The following BNIP3L variants were observed in gnomAD, a reference collection of about 807,000 sequenced individuals.
The protein encoded by BNIP3L is BCL2 interacting protein 3 like, also known as BCL2/adenovirus E1B 19 kDa protein-interacting protein 3-like.
Under a neutral mutation model 25.5 loss-of-function variants are expected in BNIP3L, and 10 were observed. The ratio of observed to expected loss-of-function variants is 0.39; its 90% CI spans 0.24 to 0.67. BNIP3L has a LOEUF of 0.67. Ranked by LOEUF, BNIP3L falls within the 30% of genes least tolerant of loss-of-function variation. BNIP3L has a pLI of 0.45. For missense variants in BNIP3L, 215 were observed against 270.9 expected, an observed-to-expected ratio of 0.79 and a Z score of 1.45; for synonymous variants, 113 against 101.2, an observed-to-expected ratio of 1.12 and a Z score of -0.70.
chr8:26,385,215 G>T (rs530067021), intron 1 of BNIP3L, among the ~76,000 whole-genome samples: 1 of 152,274 alleles, frequency 6.6e-6, no homozygotes, highest in East Asian at 1.9e-4. Flanking sequence ...GTTTTCTTAT[G>T]AGTGAAGATA....
intron 1 of BNIP3L, chr8:26,390,375 T>G: frequency 1.0e-6 from 1 of 985,438 alleles, no homozygotes; most frequent in Non-Finnish European, 1.2e-6. Context: ...GCTCCACCCC[T>G]TCAACTTTTT....
rs1410292408 is a variant in BNIP3L at position 26,391,292 on chromosome 8, C to A, written c.150C>A (p.Gly50=). ...ACAGCAGCAATGGCAATGATAATGG[C>A]AATGGGAAAAATGGGGGGCTGGAAC... is the stretch of plus-strand genomic sequence containing the variant. ...PMNSSNGNDN[G]NGKNGGLEHV... The change falls in exon 2 of 6, where the codon GGC becomes GGA. Residue 50 remains glycine (G), a synonymous_variant. Transcript: ENST00000380629. The A allele has an allele frequency of 1.2e-6, 2 of 1,612,008 alleles. No individual in the cohort carries two copies. The highest frequency in any genetic ancestry group is 1.7e-6 in the Non-Finnish European group (2 of 1,179,216).
chr8:26,402,415 G>A (rs750504162), intron 3 of BNIP3L, among the ~76,000 whole-genome samples: 4 of 152,190 alleles, frequency 2.6e-5, no homozygotes, highest in African/African-American at 4.8e-5. Flanking sequence ...GAGAGAAATC[G>A]AATTCTTTGC....
rs1332565625 is a variant in BNIP3L, at chr8:26,407,994, T to C, written c.358-6T>C. On this transcript the variant is annotated splice_polypyrimidine_tract_variant and splice_region_variant and intron_variant, in intron 3 of 5. Transcript: ENST00000380629. ...TTTTTCTTAAAGTTTGAATTCTTCT[T>C]TACAGTCAGAAGAAGAAGTTGTAGA... 1 of 1,613,198 alleles carries C rather than the reference T, an allele frequency of 6.2e-7. No homozygotes were observed. Among genetic ancestry groups the C allele is most frequent in the South Asian group, 1.1e-5 (1 of 91,046 alleles).
chr8:26,394,290 G>C (rs576419477), intron 2 of BNIP3L, among the ~76,000 whole-genome samples: 2 of 151,846 alleles, frequency 1.3e-5, no homozygotes, highest in African/African-American at 4.8e-5. Context: ...CAATCATAAA[G>C]GTTTTATATT....
At position 26,411,033 on chromosome 8, in the gene BNIP3L, C is replaced by A. The variant is rs941920286; in HGVS notation, c.*621C>A. 1 of 152,330 alleles carries A rather than the reference C, an allele frequency of 6.6e-6. No homozygotes were observed. The highest frequency in any genetic ancestry group is 1.5e-5 in the Non-Finnish European group (1 of 68,206). 9.4% of individuals were successfully genotyped at this position (152,330 alleles called of 1,614,324 possible). A position where few individuals can be genotyped will look rare whatever the true frequency, so the allele number is the denominator to read the frequency against. On this transcript the variant is annotated 3_prime_UTR_variant, in exon 6 of 6. Transcript: ENST00000380629. Reference sequence around the variant, plus strand: ...TTTTGTCTAAGCCTCCTAATAGCGTCTTTTAATTTATAGGAGGCAAACTGT... The same window carrying A: ...TTTTGTCTAAGCCTCCTAATAGCGTATTTTAATTTATAGGAGGCAAACTGT...
At chr8:26,405,578 C>A (rs908990448) in intron 3 of BNIP3L, among the ~76,000 whole-genome samples, 4 of 152,154 alleles carry the variant, frequency 2.6e-5, no homozygotes, top group Admixed American at 2.0e-4. Flanking sequence ...GAGAACTAGA[C>A]CTGTCAAGAG....
At chr8:26,395,190 G>A in intron 2 of BNIP3L, 40 bp from the exon 3 acceptor site, 2 of 1,597,982 alleles carry the variant, frequency 1.3e-6, no homozygotes, top group Non-Finnish European at 1.7e-6. Flanking sequence ...ATTTGACAAA[G>A]TGAGAATTAA....
rs773940856 is a variant in BNIP3L at position 26,383,188 on chromosome 8, G to A, written c.58G>A (p.Glu20Lys). ...CCTGCACAACAACAACAACAACTGC[G>A]AGGAAAATGAGCAGTCTCTGCCCCC... ...PPLHNNNNNC[E>K]ENEQSLPPPA... is the part of the protein sequence containing the mutation. Residue 20 changes from glutamate (E) to lysine (K), a missense_variant, in exon 1 of 6, where the codon GAG (glutamate) becomes AAG (lysine). Physicochemically the swap from Glu to Lys is moderately conservative, Grantham distance 56 (BLOSUM62 1). Transcript: ENST00000380629. 3 of 1,612,428 alleles carry A rather than the reference G, an allele frequency of 1.9e-6. No homozygotes were observed. Among genetic ancestry groups the A allele is most frequent in the South Asian group, 2.2e-5 (2 of 91,034 alleles).
intron 3 of BNIP3L, among the ~76,000 whole-genome samples, chr8:26,406,388 C>G (rs905157943): frequency 5.3e-5 from 8 of 152,172 alleles, no homozygotes; most frequent in Non-Finnish European, 1.2e-4. Flanking sequence ...ATACAGTATT[C>G]CTGGGTTTGA....
chr8:26,408,303 A>G lies in BNIP3L; in HGVS notation c.538A>G (p.Ile180Val), dbSNP rs759141869. Residue 180 changes from isoleucine (I) to valine (V), a missense_variant, in exon 5 of 6, where the codon ATT (isoleucine) becomes GTT (valine). Around this residue, in one of 4 missense-constraint regions of BNIP3L, gnomAD observed 63 missense variants for 98.8 expected, o/e 0.64. Coordinates refer to ENST00000380629, the MANE Select transcript of BNIP3L (RefSeq NM_004331.3). ...AAGTGGAGCCATGAAGAAAGGGGGT[A>G]TTTTCTCCGCAGAATTTCTGAAGGT... is the stretch of plus-strand genomic sequence containing the variant. ...RKSGAMKKGG[I>V]FSAEFLKVFI... 2.4e-5 allele frequency: 38 copies of G among 1,613,814 alleles called. No individual in the cohort carries two copies. The highest frequency in any genetic ancestry group is 1.6e-4 in the Middle Eastern group (1 of 6,082).
chr8:26,389,911 A>G (rs1806066894), intron 1 of BNIP3L, among the ~76,000 whole-genome samples: 2 of 152,110 alleles, frequency 1.3e-5, no homozygotes, highest in African/African-American at 4.8e-5. Context: ...TTTTACTTCA[A>G]CTTACTGATG....
At chr8:26,388,018 T>C (rs1340637819) in intron 1 of BNIP3L, among the ~76,000 whole-genome samples, 1 of 152,216 alleles carries the variant, frequency 6.6e-6, no homozygotes, top group East Asian at 1.9e-4. Flanking sequence ...TGTCAGTATG[T>C]GTGTATGGTA....
chr8:26,403,069 T>C (rs1257993299), intron 3 of BNIP3L, among the ~76,000 whole-genome samples: 1 of 152,174 alleles, frequency 6.6e-6, no homozygotes, highest in Non-Finnish European at 1.5e-5. Flanking sequence ...CCAGTGTTGA[T>C]CCCTTCTCAG....
At chr8:26,403,272 C>T (rs1024991503) in intron 3 of BNIP3L, among the ~76,000 whole-genome samples, 5 of 151,966 alleles carry the variant, frequency 3.3e-5, no homozygotes, top group African/African-American at 1.2e-4. Flanking sequence ...AAACCTTTGA[C>T]ATTGCCTTTT....
chr8:26,388,149 T>G (rs1806029236), intron 1 of BNIP3L, among the ~76,000 whole-genome samples: 1 of 152,146 alleles, frequency 6.6e-6, no homozygotes, highest in African/African-American at 2.4e-5. Flanking sequence ...AACGGGAGGT[T>G]GGGAGAGATG....
chr8:26,407,943 TG>T (rs1477228865), intron 3 of BNIP3L, 56 bp from the exon 4 acceptor site: 10 of 1,474,112 alleles, frequency 6.8e-6, no homozygotes, highest in Non-Finnish European at 9.4e-6. Context: ...GATTTTTCTT[TG>T]TATTAGGAGG....
intron 3 of BNIP3L, among the ~76,000 whole-genome samples, chr8:26,403,929 A>G (rs1466305458): frequency 1.3e-5 from 2 of 152,184 alleles, no homozygotes; most frequent in Non-Finnish European, 2.9e-5. Context: ...TTACTTATCT[A>G]AGATCACAAA....
Position 26,384,429 on chromosome 8 carries a change from C to T in BNIP3L, c.100+1199C>T, listed in dbSNP as rs569688063. Among the ~76,000 whole-genome samples, 4 of 152,268 alleles carry T rather than the reference C, an allele frequency of 2.6e-5. No individual in the cohort carries two copies. In the East Asian group the frequency reaches 7.7e-4, roughly 29 times the overall value. ...GTTAATTCCCAAAACCTTTAAGTGT[C>T]ATATATTCCAGAATGTAAGATGGTT... On this transcript the variant is annotated intron_variant, in intron 1 of 5. Coordinates refer to ENST00000380629, the MANE Select transcript of BNIP3L (RefSeq NM_004331.3).
Sources: gnomAD v4.1 joint callset for allele counts (sites outside exome capture counted in the v4.1 genomes callset) on GRCh38, gnomAD v4.1.1 for gene constraint, gnomAD v4.1.1 regional missense constraint, MANE v1.5 for transcripts, NCBI Gene and HGNC (gene_info 2026-07-23, HGNC 2026-07-21) for gene names.